Variants in SLC9A4 observed in about 807,000 individuals in gnomAD.
SLC9A4 encodes the protein solute carrier family 9 member A4.
Under a neutral mutation model 67.4 loss-of-function variants are expected in SLC9A4, and 63 were observed. That is an observed-to-expected ratio of 0.93 (90% CI 0.76 to 1.15). SLC9A4 has a LOEUF of 1.15. SLC9A4 is among the 50% of genes most tolerant of loss of function. SLC9A4 has a pLI of 0.00. For missense variants in SLC9A4, 1,089 were observed against 987.7 expected, an observed-to-expected ratio of 1.10 and a Z score of -1.38; for synonymous variants, 393 against 367.2, an observed-to-expected ratio of 1.07 and a Z score of -0.80.
At chr2:102,475,528 A>T (rs1045204966) in intron 1 of SLC9A4, among the ~76,000 whole-genome samples, 1 of 152,220 alleles carries the variant, frequency 6.6e-6, no homozygotes, top group East Asian at 1.9e-4. Context: ...GAGGCATTGT[A>T]TGCACCCAGA....
chr2:102,531,914 TA>T (rs1558676892), intron 11 of SLC9A4, among the ~76,000 whole-genome samples: 4 of 152,146 alleles, frequency 2.6e-5, no homozygotes, highest in Admixed American at 6.5e-5. Context: ...AACCACTGAT[TA>T]AAAAGCAAAC....
At chr2:102,502,614 G>A (rs1427908228) in intron 2 of SLC9A4, among the ~76,000 whole-genome samples, 1 of 152,236 alleles carries the variant, frequency 6.6e-6, no homozygotes, top group Non-Finnish European at 1.5e-5. Flanking sequence ...TGGCCACTGG[G>A]TAGCAGAGAA....
intron 1 of SLC9A4, among the ~76,000 whole-genome samples, chr2:102,474,938 T>C (rs1027924769): frequency 6.6e-6 from 1 of 152,190 alleles, no homozygotes; most frequent in African/African-American, 2.4e-5. Flanking sequence ...GGGTGTGTAA[T>C]GTGGGTTGAG....
intron 2 of SLC9A4, among the ~76,000 whole-genome samples, chr2:102,501,617 G>C (rs1422240165): frequency 6.6e-6 from 1 of 152,012 alleles, no homozygotes; most frequent in African/African-American, 2.4e-5. Context: ...AGAGGACCTG[G>C]AGGGGCCAGA....
At chr2:102,478,676 T>C (rs1183587343) in intron 1 of SLC9A4, among the ~76,000 whole-genome samples, 163 bp from the exon 2 acceptor site, 1 of 152,204 alleles carries the variant, frequency 6.6e-6, no homozygotes, top group African/African-American at 2.4e-5. Context: ...ACTGATCTTA[T>C]TGGCGACCCT....
intron 2 of SLC9A4, among the ~76,000 whole-genome samples, chr2:102,489,133 C>A (rs1303596428): frequency 6.6e-6 from 1 of 152,084 alleles, no homozygotes; most frequent in African/African-American, 2.4e-5. Flanking sequence ...TTTAAACTAC[C>A]TTTTGTATCA....
Position 102,479,301 on chromosome 2 carries a change from T to C in SLC9A4, c.719T>C (p.Val240Ala). 6.2e-7 allele frequency: 1 copy of C among 1,602,636 alleles called. No individual in the cohort carries two copies. The highest frequency in any genetic ancestry group is 8.5e-7 in the Non-Finnish European group (1 of 1,173,970). ...GCCCTGCTCAATGATGGCATTACTGTGGTGAGATGTCATGTGCCCGCCCGG... is the reference window on the plus strand; with the variant it reads ...GCCCTGCTCAATGATGGCATTACTGCGGTGAGATGTCATGTGCCCGCCCGG... ...GEALLNDGIT[V>A]VLYNMLIAFT... Residue 240 changes from valine (V) to alanine (A), a missense_variant and splice_region_variant, in exon 2 of 12, where the codon GTG (valine) becomes GCG (alanine). Coordinates refer to ENST00000295269, the MANE Select transcript of SLC9A4 (RefSeq NM_001011552.4).
intron 2 of SLC9A4, among the ~76,000 whole-genome samples, chr2:102,496,581 G>A (rs2104427017): frequency 1.3e-5 from 2 of 152,304 alleles, no homozygotes; most frequent in Middle Eastern, 6.8e-3. Flanking sequence ...GAGACAATAT[G>A]GTGGAGCACT....
At chr2:102,501,393 T>C (rs1234793351) in intron 2 of SLC9A4, among the ~76,000 whole-genome samples, 1 of 152,098 alleles carries the variant, frequency 6.6e-6, no homozygotes, top group African/African-American at 2.4e-5. Flanking sequence ...AGTGCTAGGA[T>C]TACAGGCATG....
rs753604553 is a variant in SLC9A4 at position 102,526,244 on chromosome 2, A to G, written c.1951-15A>G. 3 of 1,611,644 alleles carry G rather than the reference A, an allele frequency of 1.9e-6. No individual in the cohort carries two copies. The East Asian group carries it at 6.7e-5, about 36-fold the overall frequency. On this transcript the variant is annotated splice_polypyrimidine_tract_variant and intron_variant, in intron 10 of 11. Coordinates refer to ENST00000295269, the MANE Select transcript of SLC9A4 (RefSeq NM_001011552.4). ...ACAGCTTATTCTGCTTTTTCTTTCT[A>G]CTTGCTACCCACAGGCTGGCACCAA...
At chr2:102,519,409 C>T (rs533317762) in intron 8 of SLC9A4, among the ~76,000 whole-genome samples, 45 of 152,208 alleles carry the variant, frequency 3.0e-4, no homozygotes, top group Non-Finnish European at 6.0e-4. Flanking sequence ...GTCACCTGTC[C>T]TCAATGAGAT....
At position 102,526,342 on chromosome 2, in the gene SLC9A4, C is replaced by A. The variant is rs1674665530; in HGVS notation, c.2034C>A (p.Phe678Leu). 1 of 1,613,650 alleles carries A rather than the reference C, an allele frequency of 6.2e-7. No homozygotes were observed. Among genetic ancestry groups the A allele is most frequent in the Non-Finnish European group, 8.5e-7 (1 of 1,179,696 alleles). Residue 678 changes from phenylalanine (F) to leucine (L), a missense_variant, in exon 11 of 12, where the codon TTC (phenylalanine) becomes TTA (leucine). By Grantham distance (22) the Phe-to-Leu change is conservative (BLOSUM62 0). Coordinates refer to ENST00000295269, the MANE Select transcript of SLC9A4 (RefSeq NM_001011552.4). ...GAAGAGACACAAGGGCTGCTGGGTT[C>A]TCAGGTAAGCTGCCCACCTGGCTGC... ...SAGRDTRAAG[F>L]SDDDSSDPGS...
chr2:102,527,967 A>G (rs943975570), intron 11 of SLC9A4, among the ~76,000 whole-genome samples: 1 of 152,134 alleles, frequency 6.6e-6, no homozygotes, highest in African/African-American at 2.4e-5. Context: ...AGAACCCTAT[A>G]TAACAAGGAT....
At chr2:102,481,602 TA>T (rs753186564) in intron 2 of SLC9A4, among the ~76,000 whole-genome samples, 12 of 152,042 alleles carry the variant, frequency 7.9e-5, no homozygotes, top group East Asian at 5.8e-4. Flanking sequence ...TTCACTTGCT[TA>T]AAAAAAAGAT....
At chr2:102,512,111 G>A (rs1685176372) in intron 6 of SLC9A4, 92 bp from the exon 7 acceptor site, 3 of 1,342,098 alleles carry the variant, frequency 2.2e-6, no homozygotes, top group African/African-American at 1.5e-5. Context: ...AAAATTAAAG[G>A]CTCCTTTGTT....
intron 8 of SLC9A4, among the ~76,000 whole-genome samples, chr2:102,519,359 A>C (rs1183538796): frequency 6.6e-6 from 1 of 152,234 alleles, no homozygotes; most frequent in Non-Finnish European, 1.5e-5. Context: ...AATGCTAATC[A>C]AAATGTGGTG....
At chr2:102,483,841 T>C (rs61604733) in intron 2 of SLC9A4, among the ~76,000 whole-genome samples, 98,252 of 126,364 alleles carry the variant, frequency 0.78, 38,704 homozygotes, top group African/African-American at 0.87. Context: ...TATATATATA[T>C]ACACACACAC....
At chr2:102,475,050 C>G (rs375492364) in intron 1 of SLC9A4, among the ~76,000 whole-genome samples, 1 of 152,144 alleles carries the variant, frequency 6.6e-6, no homozygotes, top group Non-Finnish European at 1.5e-5. Flanking sequence ...TTAGACTCTC[C>G]TTTATAGTTG....
At chr2:102,494,069 C>T (rs936658992) in intron 2 of SLC9A4, among the ~76,000 whole-genome samples, 16 of 151,894 alleles carry the variant, frequency 1.1e-4, no homozygotes, top group Admixed American at 2.6e-4. Flanking sequence ...CCATAACTAT[C>T]ATGACTAGGA....
Sources: allele counts gnomAD v4.1 joint callset (sites outside exome capture counted in the v4.1 genomes callset), GRCh38; gene constraint gnomAD v4.1.1; transcripts MANE v1.5; gene names NCBI Gene and HGNC (gene_info 2026-07-23, HGNC 2026-07-21).